Variants in RHOA observed in about 807,000 individuals in gnomAD.
RHOA encodes the protein ras homolog family member A, also known as transforming protein RhoA.
RHOA carries 3 observed loss-of-function variants against 17.5 expected under a neutral mutation model. That is an observed-to-expected ratio of 0.17 (90% CI 0.08 to 0.44). RHOA has a LOEUF of 0.44. RHOA is among the 20% of genes least tolerant of loss of function. RHOA has a pLI of 0.99. For missense variants in RHOA, 56 were observed against 242.3 expected (o/e 0.23, Z 5.10); for synonymous variants, 98 against 88.4 (o/e 1.11, Z -0.61).
At chr3:49,362,772 A>G in intron 3 of RHOA, 146 bp from the exon 4 acceptor site, 1 of 666,558 alleles carries the variant, frequency 1.5e-6, no homozygotes. Context: ...TTTCAAAACC[A>G]TAAAAAGGAA....
intron 1 of RHOA, among the ~76,000 whole-genome samples, chr3:49,409,616 A>T (rs1212393584): frequency 6.6e-6 from 1 of 152,146 alleles, no homozygotes; most frequent in Admixed American, 6.6e-5. Flanking sequence ...AAAAAGACGC[A>T]AACTAGCACC....
At chr3:49,411,267 C>G (rs2048930148) in intron 1 of RHOA, among the ~76,000 whole-genome samples, 1 of 152,134 alleles carries the variant, frequency 6.6e-6, no homozygotes, top group Non-Finnish European at 1.5e-5. Context: ...GCGTTCAATA[C>G]AATCTTTTAC....
intron 3 of RHOA, chr3:49,366,763 G>C (rs1274274413): frequency 6.6e-6 from 1 of 152,078 alleles, no homozygotes; most frequent in Non-Finnish European, 1.5e-5. Flanking sequence ...CAATATCTTG[G>C]AGCAACCCCA....
At chr3:49,364,918 T>C (rs9812360) in intron 3 of RHOA, among the ~76,000 whole-genome samples, 121,784 of 151,746 alleles carry the variant, frequency 0.8, 49,272 homozygotes, top group East Asian at 0.99. Context: ...TGCAGTGAGC[T>C]GAGATCGCAC....
rs553340700 is a variant in RHOA, at chr3:49,364,830, G to C, written c.278-2204C>G. On this transcript the variant is annotated intron_variant, in intron 3 of 4. Coordinates refer to ENST00000418115, the MANE Select transcript of RHOA (RefSeq NM_001664.4). ...CTACTAATAATACAAAAATTAGTCA[G>C]GCATGGTGGTGCATGCCTGTAATCC... 7.2e-5 allele frequency among the ~76,000 whole-genome samples: 11 copies of C among 151,746 alleles called. No homozygotes were observed. In the East Asian group the frequency reaches 2.2e-3, roughly 30 times the overall value.
At chr3:49,395,050 C>A (rs1009428105) in intron 1 of RHOA, among the ~76,000 whole-genome samples, 6 of 151,534 alleles carry the variant, frequency 4.0e-5, no homozygotes, top group African/African-American at 1.5e-4. Flanking sequence ...GAGATCGAGA[C>A]CATCTTGGCT....
At chr3:49,378,240 C>CTTTTTTT (rs71077802) in intron 1 of RHOA, among the ~76,000 whole-genome samples, 28 of 60,706 alleles carry the variant, frequency 4.6e-4, no homozygotes, top group Non-Finnish European at 6.2e-4. Context: ...ATCCATCTAT[C>CTTTTTTT]TTTTTTTTTT....
intron 1 of RHOA, among the ~76,000 whole-genome samples, chr3:49,386,477 TAA>T (rs2048397408): frequency 6.6e-6 from 1 of 152,214 alleles, no homozygotes; most frequent in Non-Finnish European, 1.5e-5. Flanking sequence ...ATGGAAAGGC[TAA>T]TTTGTTCAAC....
chr3:49,373,776 G>A (rs573581574), intron 2 of RHOA, among the ~76,000 whole-genome samples: 3 of 149,794 alleles, frequency 2.0e-5, no homozygotes, highest in Non-Finnish European at 4.4e-5. Context: ...AGGCCTGGGA[G>A]ACAAAGTACA....
intron 1 of RHOA, among the ~76,000 whole-genome samples, chr3:49,384,808 C>T (rs955287025): frequency 1.3e-5 from 2 of 152,028 alleles, no homozygotes; most frequent in South Asian, 4.1e-4. Flanking sequence ...CGCCTGTAAT[C>T]CAAGTACTTT....
intron 1 of RHOA, among the ~76,000 whole-genome samples, chr3:49,376,220 C>T (rs896683467): frequency 6.6e-6 from 1 of 152,026 alleles, no homozygotes; most frequent in African/African-American, 2.4e-5. Context: ...TAAAAGACAT[C>T]CAAATTGGAA....
intron 1 of RHOA, among the ~76,000 whole-genome samples, chr3:49,406,073 A>G (rs1175101117): frequency 6.6e-6 from 1 of 152,262 alleles, no homozygotes; most frequent in African/African-American, 2.4e-5. Context: ...GATTTCATCC[A>G]GAAAAGAAAT....
At position 49,369,006 on chromosome 3, in the gene RHOA, C is replaced by CTTTT. The variant is rs1160140765; in HGVS notation, c.157-462_157-459dup. 3.2e-3 allele frequency among the ~76,000 whole-genome samples: 189 copies of CTTTT among 59,704 alleles called. 9 individuals carry two copies. The highest frequency in any genetic ancestry group is 4.2e-3 in the African/African-American group (54 of 12,924). 39.2% of individuals were successfully genotyped at this position (59,704 alleles called of 152,430 possible). On this transcript the variant is annotated intron_variant, in intron 2 of 4. Coordinates refer to ENST00000418115, the MANE Select transcript of RHOA (RefSeq NM_001664.4). Reference sequence around the variant, plus strand: ...GCAGGCGTGACCCACCGCGCCTGGCCTTTTTTTTTTTTTTTTTTTTTTTTT... The same window carrying CTTTT: ...GCAGGCGTGACCCACCGCGCCTGGCCTTTTTTTTTTTTTTTTTTTTTTTTTTTTT...
chr3:49,393,729 TGA>T lies in RHOA; in HGVS notation c.-3+18089_-3+18090del, dbSNP rs2048562096. ...GTGTGTGTGTGTGTGTGTGTGTGTG[TGA>T]CAGAATCTCGCTCTGTCGCCCAGGC... On this transcript the variant is annotated intron_variant, in intron 1 of 4. Coordinates refer to ENST00000418115, the MANE Select transcript of RHOA (RefSeq NM_001664.4). 7.5e-4 allele frequency among the ~76,000 whole-genome samples: 103 copies of T among 136,838 alleles called. 4 individuals carry two copies. Among genetic ancestry groups the T allele is most frequent in the African/African-American group, 2.9e-3 (101 of 35,376 alleles). The allele number at this position is 136,838 out of a possible 152,430, so 89.8% of individuals were successfully genotyped here.
intron 1 of RHOA, among the ~76,000 whole-genome samples, chr3:49,401,696 G>GTA (rs1559517796): frequency 6.6e-6 from 1 of 152,106 alleles, no homozygotes; most frequent in Non-Finnish European, 1.5e-5. Context: ...CTTGAGCCTG[G>GTA]TATAGGTTGA....
At chr3:49,377,260 T>C (rs976788146) in intron 1 of RHOA, among the ~76,000 whole-genome samples, 1 of 150,696 alleles carries the variant, frequency 6.6e-6, no homozygotes, top group Admixed American at 6.6e-5. Flanking sequence ...AGTGAGACAC[T>C]GAGAAAGGAA....
rs368143471 is a variant in RHOA, at chr3:49,360,183, A to G, written c.*26T>C. On this transcript the variant is annotated 3_prime_UTR_variant, in exon 5 of 5. Transcript: ENST00000418115. ...TAAACAGCACTTCAAAATTAACCGC[A>G]TAAGGGCTGTGCTTGCAGCAAGGTT... 6.0e-5 allele frequency: 97 copies of G among 1,608,366 alleles called. No homozygotes were observed. In the African/African-American group the frequency reaches 6.8e-4, roughly 11 times the overall value.
rs1283273945 is a variant in RHOA at position 49,359,939 on chromosome 3, G to A, written c.*270C>T. On this transcript the variant is annotated 3_prime_UTR_variant, in exon 5 of 5. Coordinates refer to ENST00000418115, the MANE Select transcript of RHOA (RefSeq NM_001664.4). ...TTCTCTTTCTAGAAAGAAGCAAGAA[G>A]TTAAGAAATTCCTTGAATTAGCGCC... is the stretch of plus-strand genomic sequence containing the variant. 2.1e-5 allele frequency: 8 copies of A among 388,458 alleles called. No homozygotes were observed. Among genetic ancestry groups the A allele is most frequent in the Non-Finnish European group, 3.7e-5 (8 of 216,808 alleles). The allele number at this position is 388,458 out of a possible 1,614,324, so 24.1% of individuals were successfully genotyped here.
chr3:49,406,499 CA>C, intron 1 of RHOA, among the ~76,000 whole-genome samples: 1 of 152,256 alleles, frequency 6.6e-6, no homozygotes, highest in East Asian at 1.9e-4. Context: ...AAATCTTGGC[CA>C]GGGTAGCTCA....
Sources: allele counts gnomAD v4.1 joint callset (sites outside exome capture counted in the v4.1 genomes callset), GRCh38; gene constraint gnomAD v4.1.1; transcripts MANE v1.5; gene names NCBI Gene and HGNC (gene_info 2026-07-23, HGNC 2026-07-21).